The following TAOK1 variants were observed in gnomAD, a reference collection of about 807,000 sequenced individuals.
TAOK1 encodes serine/threonine-protein kinase TAO1.
TAOK1 carries 21 observed loss-of-function variants against 138.3 expected under a neutral mutation model. The ratio of observed to expected loss-of-function variants is 0.15; its 90% confidence interval spans 0.11 to 0.22. The LOEUF is 0.22. Ranked by LOEUF, TAOK1 falls within the 10% of genes least tolerant of loss-of-function variation. TAOK1 has a pLI of 1.00. For synonymous variants in TAOK1, 361 were observed against 398.4 expected, an observed-to-expected ratio of 0.91 and a Z score of 1.12; for missense variants, 651 against 1,227.7, an observed-to-expected ratio of 0.53 and a Z score of 7.02.
intron 1 of TAOK1, among the ~76,000 whole-genome samples, chr17:29,424,259 A>G (rs537623339): frequency 5.5e-4 from 83 of 151,132 alleles, no homozygotes; most frequent in South Asian, 2.5e-3. Context: ...ACACGGTGAA[A>G]CCTCGTCTTT....
chr17:29,491,808 A>C lies in TAOK1; in HGVS notation c.774A>C (p.Val258=). The change falls in exon 10 of 20, where the codon GTA becomes GTC. Residue 258 remains valine, a synonymous_variant. Transcript: ENST00000261716. The part of the protein sequence containing the change: ...NEWSDYFRNF[V]DSCLQKIPQD... ...GGTCTGATTATTTTCGCAACTTTGTAGATTCTTGCCTCCAGAAAATCCCTC... is the reference window on the plus strand; with the variant it reads ...GGTCTGATTATTTTCGCAACTTTGTCGATTCTTGCCTCCAGAAAATCCCTC... 3 of 1,613,782 alleles carry C rather than the reference A, an allele frequency of 1.9e-6. No homozygotes were observed. Among genetic ancestry groups the C allele is most frequent in the Non-Finnish European group, 2.5e-6 (3 of 1,179,798 alleles).
intron 15 of TAOK1, chr17:29,513,153 A>G (rs1284356771): frequency 6.8e-6 from 1 of 147,250 alleles, no homozygotes; most frequent in Non-Finnish European, 1.5e-5. Context: ...AAATAAGTAT[A>G]ATCAATTTGA....
intron 3 of TAOK1, among the ~76,000 whole-genome samples, chr17:29,474,885 A>G (rs1374998343): frequency 2.6e-5 from 4 of 152,114 alleles, no homozygotes; most frequent in African/African-American, 9.7e-5. Context: ...GTGAAGTACA[A>G]TAAAGCAAAG....
intron 1 of TAOK1, among the ~76,000 whole-genome samples, chr17:29,420,329 G>A (rs1326547099): frequency 5.9e-5 from 9 of 151,836 alleles, no homozygotes; most frequent in Admixed American, 1.3e-4. Context: ...CCACAGTGCC[G>A]ACCATAATTG....
chr17:29,445,139 T>C (rs1467054138), intron 1 of TAOK1, among the ~76,000 whole-genome samples: 1 of 152,198 alleles, frequency 6.6e-6, no homozygotes, highest in Non-Finnish European at 1.5e-5. Flanking sequence ...TTTTTGTGGG[T>C]ACATAGTAGG....
At chr17:29,428,923 G>A (rs1905736708) in intron 1 of TAOK1, among the ~76,000 whole-genome samples, 1 of 151,754 alleles carries the variant, frequency 6.6e-6, no homozygotes, top group Non-Finnish European at 1.5e-5. Context: ...GTGAGCCACT[G>A]CGCCCACCCC....
chr17:29,392,392 C>T (rs1904463082), intron 1 of TAOK1, among the ~76,000 whole-genome samples: 1 of 152,024 alleles, frequency 6.6e-6, no homozygotes, highest in Non-Finnish European at 1.5e-5. Flanking sequence ...TCTTATTAAT[C>T]TGCCTAATTA....
intron 2 of TAOK1, among the ~76,000 whole-genome samples, chr17:29,466,091 A>T (rs1013409058): frequency 6.6e-6 from 1 of 151,790 alleles, no homozygotes; most frequent in African/African-American, 2.4e-5. Flanking sequence ...TTTCCCCTTG[A>T]CTTTTAAAAG....
At chr17:29,423,094 ATT>A (rs558717390) in intron 1 of TAOK1, among the ~76,000 whole-genome samples, 7 of 88,448 alleles carry the variant, frequency 7.9e-5, no homozygotes, top group African/African-American at 8.5e-5. Context: ...TTTTTCCCCC[ATT>A]TTTTTTTTTT....
At chr17:29,539,763 C>A (rs923019818) in intron 19 of TAOK1, among the ~76,000 whole-genome samples, 1 of 151,894 alleles carries the variant, frequency 6.6e-6, no homozygotes, top group African/African-American at 2.4e-5. Flanking sequence ...GTAGAAATAC[C>A]CAGTTACCCA....
intron 18 of TAOK1, among the ~76,000 whole-genome samples, chr17:29,532,742 CT>C (rs1048946062): frequency 1.3e-5 from 2 of 152,124 alleles, no homozygotes; most frequent in African/African-American, 4.8e-5. Context: ...CCCATGTCTA[CT>C]TCTTTCTACA....
At chr17:29,457,686 G>A (rs1162314369) in intron 2 of TAOK1, among the ~76,000 whole-genome samples, 2 of 151,930 alleles carry the variant, frequency 1.3e-5, no homozygotes, top group Non-Finnish European at 1.5e-5. Flanking sequence ...GATTACAGGC[G>A]TGAGCCACTG....
At position 29,519,317 on chromosome 17, in the gene TAOK1, C is replaced by G. The variant is rs898031827; in HGVS notation, c.1908+1661C>G. Among the ~76,000 whole-genome samples, 6 of 151,908 alleles carry G rather than the reference C, an allele frequency of 3.9e-5. No individual in the cohort carries two copies. In the South Asian group the frequency reaches 8.3e-4, roughly 21 times the overall value. ...CTTGAGGTCAGGAGTTTGAGACCAG[C>G]CTGGCCAACATAGTGAAACCCCATC... On this transcript the variant is annotated intron_variant, in intron 16 of 19. Coordinates refer to ENST00000261716, the MANE Select transcript of TAOK1 (RefSeq NM_020791.4).
rs1010666220 is a variant in TAOK1, at chr17:29,548,194, C to T, written c.*5172C>T. ...AGGGAAGAGACTCCATTTAGCTTAA[C>T]GGTAGTCTTTAGATCATAAGAAATA... On this transcript the variant is annotated 3_prime_UTR_variant, in exon 20 of 20. Transcript: ENST00000261716. The T allele has an allele frequency of 3.3e-5, 5 of 152,048 alleles. No homozygotes were observed. The highest frequency in any genetic ancestry group is 2.1e-4 in the South Asian group (1 of 4,828). The allele number at this position is 152,048 out of a possible 1,614,324, so 9.4% of individuals were successfully genotyped here.
chr17:29,504,903 T>C (rs576219631), intron 13 of TAOK1, among the ~76,000 whole-genome samples: 22 of 152,308 alleles, frequency 1.4e-4, no homozygotes, highest in East Asian at 3.9e-4. Flanking sequence ...AAAGATTGCT[T>C]AATTTTTGCA....
chr17:29,532,548 T>C (rs1463712304), intron 18 of TAOK1, among the ~76,000 whole-genome samples: 2 of 152,066 alleles, frequency 1.3e-5, no homozygotes, highest in Non-Finnish European at 2.9e-5. Context: ...GTGATGACTC[T>C]TAACGAGCAT....
In TAOK1 at chr17:29,468,997, C is replaced by CTT. The variant is rs10656179; in HGVS notation, c.204+1783_204+1784dup. Among the ~76,000 whole-genome samples the CTT allele has an allele frequency of 6.2e-3, 944 of 152,214 alleles. 9 individuals carry two copies. Among genetic ancestry groups the CTT allele is most frequent in the African/African-American group, 0.021 (889 of 41,546 alleles). On this transcript the variant is annotated intron_variant, in intron 3 of 19. Transcript: ENST00000261716. ...AATTATTAATGCTACATTGAATGTACTTTAGTTCACTAATATTCTAATTAG... is the reference window on the plus strand; with the variant it reads ...AATTATTAATGCTACATTGAATGTACTTTTTAGTTCACTAATATTCTAATTAG...
At chr17:29,513,486 T>A (rs770210600) in intron 15 of TAOK1, 7 of 152,212 alleles carry the variant, frequency 4.6e-5, no homozygotes, top group Non-Finnish European at 1.0e-4. Context: ...AGATAATCCT[T>A]TAGGCATATA....
At chr17:29,427,258 T>TA (rs1905670253) in intron 1 of TAOK1, among the ~76,000 whole-genome samples, 1 of 152,148 alleles carries the variant, frequency 6.6e-6, no homozygotes, top group African/African-American at 2.4e-5. Context: ...ACTTGTAGGT[T>TA]AAAGTTTTTG....
Sources: gnomAD v4.1 joint callset for allele counts (sites outside exome capture counted in the v4.1 genomes callset) on GRCh38, gnomAD v4.1.1 for gene constraint, MANE v1.5 for transcripts, NCBI Gene and HGNC (gene_info 2026-07-23, HGNC 2026-07-21) for gene names.